TEN1: variants seen among roughly 807,000 people sequenced by gnomAD.
The protein encoded by TEN1 is TEN1 subunit of CST complex, also known as CST complex subunit TEN1.
In TEN1, 6 loss-of-function variants were observed where a neutral mutation model predicts 9.3. The ratio of observed to expected loss-of-function variants is 0.65; its 90% confidence interval spans 0.35 to 1.27. TEN1 has a LOEUF of 1.27. Ranked by LOEUF, TEN1 falls within the 50% of genes most tolerant of loss-of-function variation. The probability of loss-of-function intolerance (pLI) is 0.03; values close to 1 mark genes in which losing one functional copy is unlikely to be tolerated. For synonymous variants in TEN1, 65 were observed against 65.6 expected (o/e 0.99, Z 0.04); for missense variants, 149 against 158.2 (o/e 0.94, Z 0.31).
Position 75,979,357 on chromosome 17 carries a change from A to T in TEN1, c.-161A>T, listed in dbSNP as rs533693605. ...CTGGCCAGGGGAGGCTCCCGAGCGG[A>T]TCCTCGGGAAAGGGGCTCCGAAGGT... On this transcript the variant is annotated 5_prime_UTR_variant, in exon 1 of 4. Coordinates refer to ENST00000397640, the MANE Select transcript of TEN1 (RefSeq NM_001113324.3). The T allele has an allele frequency of 8.4e-5, 46 of 548,608 alleles. No homozygotes were observed. Among genetic ancestry groups the T allele is most frequent in the African/African-American group, 7.5e-4 (39 of 52,298 alleles). 34.0% of individuals were successfully genotyped at this position (548,608 alleles called of 1,614,324 possible). A position where few individuals can be genotyped will look rare whatever the true frequency, so the allele number is the denominator to read the frequency against.
chr17:75,986,361 T>G, intron 2 of TEN1, 77 bp downstream of exon 2: 1 of 1,263,442 alleles, frequency 7.9e-7, no homozygotes, highest in Non-Finnish European at 1.1e-6. Flanking sequence ...AAAGACATAA[T>G]TAGAAAAGAT....
intron 2 of TEN1, among the ~76,000 whole-genome samples, chr17:75,988,129 A>G (rs1250989157): frequency 2.0e-5 from 3 of 150,218 alleles, no homozygotes; most frequent in African/African-American, 4.9e-5. Flanking sequence ...AATCCCAGCT[A>G]TTCGGGAGGC....
intron 1 of TEN1, among the ~76,000 whole-genome samples, chr17:75,982,218 T>A (rs968728309): frequency 6.6e-6 from 1 of 152,200 alleles, no homozygotes; most frequent in African/African-American, 2.4e-5. Flanking sequence ...AAGAAGAATC[T>A]AGACAGACAG....
intron 3 of TEN1, among the ~76,000 whole-genome samples, chr17:75,992,046 C>CAAAAA (rs11309442): frequency 1.1e-4 from 6 of 54,164 alleles, no homozygotes; most frequent in Middle Eastern, 0.01. Flanking sequence ...GACTCCGTCT[C>CAAAAA]AAAAAAAAAA....
At chr17:75,986,400 A>G (rs1343625492) in intron 2 of TEN1, 116 bp downstream of exon 2, 2 of 1,052,446 alleles carry the variant, frequency 1.9e-6, no homozygotes, top group African/African-American at 3.3e-5. Flanking sequence ...TTATGTTAAA[A>G]TACTAAAAAA....
intron 1 of TEN1, among the ~76,000 whole-genome samples, chr17:75,981,166 C>A (rs1010948333): frequency 6.6e-6 from 1 of 151,612 alleles, no homozygotes; most frequent in Non-Finnish European, 1.5e-5. Context: ...GAACAAAGAA[C>A]TTTTCTTCTG....
At chr17:75,990,791 G>A (rs200443876) in intron 2 of TEN1, among the ~76,000 whole-genome samples, 234 of 123,188 alleles carry the variant, frequency 1.9e-3, no homozygotes, top group African/African-American at 2.1e-3. Flanking sequence ...CTGGGATACA[G>A]AAAAAAAAAA....
At chr17:75,989,749 T>C (rs992968099) in intron 2 of TEN1, among the ~76,000 whole-genome samples, 4 of 151,488 alleles carry the variant, frequency 2.6e-5, no homozygotes, top group Admixed American at 2.0e-4. Flanking sequence ...GATAATTCAG[T>C]AGGGAAAGCA....
At chr17:75,994,564 G>T (rs892666441) in intron 3 of TEN1, among the ~76,000 whole-genome samples, 1 of 150,106 alleles carries the variant, frequency 6.7e-6, no homozygotes, top group Non-Finnish European at 1.5e-5. Context: ...TGCAACCTCC[G>T]CCTCCCAGGT....
intron 1 of TEN1, among the ~76,000 whole-genome samples, chr17:75,985,496 G>A (rs982248448): frequency 2.6e-5 from 4 of 152,016 alleles, no homozygotes; most frequent in Admixed American, 2.0e-4. Flanking sequence ...TGTTGTCAAG[G>A]CTGGTCTGTG....
chr17:75,997,739 C>T (rs746634072), intron 3 of TEN1, among the ~76,000 whole-genome samples: 2 of 152,134 alleles, frequency 1.3e-5, no homozygotes, highest in Non-Finnish European at 2.9e-5. Flanking sequence ...GCAGACAAAC[C>T]TCCTAAAAGA....
chr17:75,981,082 CTT>C (rs1371859384), intron 1 of TEN1, among the ~76,000 whole-genome samples: 2 of 152,106 alleles, frequency 1.3e-5, no homozygotes, highest in East Asian at 1.9e-4. Flanking sequence ...ATAGAAAAGA[CTT>C]AGATGAAGAG....
intron 3 of TEN1, among the ~76,000 whole-genome samples, chr17:75,992,289 G>A (rs1048017213): frequency 2.4e-4 from 37 of 151,720 alleles, no homozygotes; most frequent in African/African-American, 8.7e-4. Flanking sequence ...GGAGTGCAGT[G>A]GTATGATCAC....
intron 3 of TEN1, among the ~76,000 whole-genome samples, chr17:75,998,894 T>C (rs2066234236): frequency 6.6e-6 from 1 of 152,138 alleles, no homozygotes; most frequent in African/African-American, 2.4e-5. Context: ...TTTTGCCGTG[T>C]TGGCCAAGCT....
chr17:75,996,706 CAAA>C (rs35106916), intron 3 of TEN1, among the ~76,000 whole-genome samples: 5 of 95,942 alleles, frequency 5.2e-5, no homozygotes, highest in Non-Finnish European at 9.3e-5. Flanking sequence ...GAGACCCTGT[CAAA>C]AAAAAAAAAA....
intron 3 of TEN1, among the ~76,000 whole-genome samples, chr17:75,999,756 C>G (rs1477867281): frequency 6.6e-6 from 1 of 152,126 alleles, no homozygotes; most frequent in Admixed American, 6.6e-5. Flanking sequence ...CTGCTAGAAG[C>G]CCCCCTCGTC....
At chr17:75,992,373 C>T (rs556635460) in intron 3 of TEN1, among the ~76,000 whole-genome samples, 2 of 151,878 alleles carry the variant, frequency 1.3e-5, no homozygotes, top group African/African-American at 4.8e-5. Flanking sequence ...GGACCACAGG[C>T]GTGCACCACC....
At chr17:75,985,747 C>T (rs2066147512) in intron 1 of TEN1, among the ~76,000 whole-genome samples, 1 of 151,674 alleles carries the variant, frequency 6.6e-6, no homozygotes, top group South Asian at 2.1e-4. Flanking sequence ...TGGTCTTGAA[C>T]TCCTGACCTC....
At chr17:75,984,599 C>G (rs917392402) in intron 1 of TEN1, 7 of 152,288 alleles carry the variant, frequency 4.6e-5, no homozygotes, top group African/African-American at 1.7e-4. Flanking sequence ...AGGTTGCCCT[C>G]AAACTCCTGA....
Sources: allele counts gnomAD v4.1 joint callset (sites outside exome capture counted in the v4.1 genomes callset), GRCh38; gene constraint gnomAD v4.1.1; transcripts MANE v1.5; gene names NCBI Gene and HGNC (gene_info 2026-07-23, HGNC 2026-07-21).